KDM5D: variants seen among roughly 807,000 people sequenced by gnomAD.
The protein encoded by KDM5D is lysine-specific demethylase 5D.
A neutral mutation model predicts 31.9 loss-of-function variants in KDM5D; 25 were observed. That is an observed-to-expected ratio of 0.78 (90% confidence interval 0.57 to 1.09). The LOEUF is 1.09. KDM5D is among the 50% of genes least tolerant of loss of function. KDM5D has a pLI of 0.00. For synonymous variants in KDM5D, 146 were observed against 122.3 expected, an observed-to-expected ratio of 1.19 and a Z score of -1.28; for missense variants, 366 against 341.6, an observed-to-expected ratio of 1.07 and a Z score of -0.56.
At chrY:19,711,013 A>G in intron 18 of KDM5D, among the ~76,000 whole-genome samples, 1 of 33,618 alleles carries the variant, frequency 3.0e-5, no homozygotes, top group African/African-American at 1.2e-4. Context: ...AAGGAGGGCT[A>G]AGTGATGATA....
At position 19,732,115 on chromosome Y, in the gene KDM5D, C is replaced by T; in HGVS notation, c.1143G>A (p.Glu381=). 2.5e-6 allele frequency: 1 copy of T among 395,366 alleles called. No homozygotes were observed. The highest frequency in any genetic ancestry group is 5.9e-4 in the Middle Eastern group (1 of 1,700). Residue 381 remains glutamate (E), a synonymous_variant, in exon 10 of 27, where the codon GAG becomes GAA. Coordinates refer to ENST00000317961, the MANE Select transcript of KDM5D (RefSeq NM_004653.5). ...EAFGFEQATQ[E]YSLQSFGEMA... Reference sequence around the variant, plus strand: ...TTTCACCAAAACTCTGCAAACTGTACTCCTGGGTAGCCTGTTCAAATCCAA... The same window carrying T: ...TTTCACCAAAACTCTGCAAACTGTATTCCTGGGTAGCCTGTTCAAATCCAA...
At chrY:19,732,558 A>T (rs779640841) in intron 9 of KDM5D, 26 bp downstream of exon 9, 1 of 371,272 alleles carries the variant, frequency 2.7e-6, no homozygotes, top group Non-Finnish European at 3.7e-6. Context: ...ACCAAAAATA[A>T]AGCATCTGTG....
At chrY:19,736,356 G>A (rs2045510366) in intron 6 of KDM5D, among the ~76,000 whole-genome samples, 2 of 32,703 alleles carry the variant, frequency 6.1e-5, no homozygotes, top group South Asian at 6.7e-4. Flanking sequence ...TACATTTTCC[G>A]TTTATTTTAA....
Position 19,706,011 on chromosome Y carries a change from T to C in KDM5D, c.4604A>G (p.Asp1535Gly). The C allele has an allele frequency of 2.6e-6, 1 of 391,215 alleles. No individual in the cohort carries two copies. The highest frequency in any genetic ancestry group is 3.6e-6 in the Non-Finnish European group (1 of 276,945). The stretch of plus-strand genomic sequence containing the variant: ...GTGCCACTGTCACAACTGTTGCTCA[T>C]CAGAGTAGGAGAGTTGTAGCAAAGG... ...LMPLLQLSYS[D>G]EQQL Residue 1535 changes from aspartate (D) to glycine (G), a missense_variant, in exon 27 of 27, where the codon GAT (aspartate) becomes GGT (glycine). Physicochemically the swap from Asp to Gly is moderately conservative, Grantham distance 94 (BLOSUM62 -1). Coordinates refer to ENST00000317961, the MANE Select transcript of KDM5D (RefSeq NM_004653.5).
chrY:19,729,669 A>G lies in KDM5D; in HGVS notation c.1371+2103T>C. Among the ~76,000 whole-genome samples, 7 of 33,942 alleles carry G rather than the reference A, an allele frequency of 2.1e-4. No homozygotes were observed. In the East Asian group the frequency reaches 5.3e-3, roughly 26 times the overall value. 91.1% of individuals were successfully genotyped at this position (33,942 alleles called of 37,273 possible). On this transcript the variant is annotated intron_variant, in intron 11 of 26. Transcript: ENST00000317961. ...TGCATATACTCAAATATCTATACAC[A>G]TATATATGTATTAGTTAAGCATAAA...
At position 19,707,369 on chromosome Y, in the gene KDM5D, C is replaced by T; in HGVS notation, c.3777G>A (p.Leu1259=). Residue 1259 remains leucine (L), a synonymous_variant, in exon 24 of 27, where the codon CTG becomes CTA. Transcript: ENST00000317961. ...LVALQRLPVR[L]PEGEALQCLT... is the part of the protein sequence containing the mutation. ...GACACTGAAGGGCCTCACCCTCAGG[C>T]AGCCGCACGGGCAGCCTCTGCAGGG... 2.5e-6 allele frequency: 1 copy of T among 397,071 alleles called. No individual in the cohort carries two copies. Among genetic ancestry groups the T allele is most frequent in the Non-Finnish European group, 3.5e-6 (1 of 282,485 alleles).
Position 19,710,471 on chromosome Y carries a change from T to C in KDM5D, c.2488A>G (p.Met830Val). ...GTCAAGGTCAGCTGTGGAGTGTCCA[T>C]CCTATAGGAGCCAGAAGGAACACCT... ...LGLVSGQVARMDTPQLTLTEL... is the reference protein window; with the variant it reads ...LGLVSGQVARVDTPQLTLTEL... The change falls in exon 19 of 27, where the codon ATG becomes GTG. Residue 830 changes from methionine to valine, a missense_variant and splice_region_variant. Physicochemically the swap from Met to Val is conservative, Grantham distance 21 (BLOSUM62 1). Transcript: ENST00000317961. 2.8e-6 allele frequency: 1 copy of C among 362,985 alleles called. No individual in the cohort carries two copies. The highest frequency in any genetic ancestry group is 6.4e-5 in the African/African-American group (1 of 15,644). The allele number at this position is 362,985 out of a possible 400,897, so 90.5% of individuals were successfully genotyped here.
At position 19,744,708 on chromosome Y, in the gene KDM5D, G is replaced by C; in HGVS notation, c.-57C>G. On this transcript the variant is annotated 5_prime_UTR_variant, in exon 1 of 27. Coordinates refer to ENST00000317961, the MANE Select transcript of KDM5D (RefSeq NM_004653.5). ...ATCCTAGTTTTACAGCCACCATCTT[G>C]ACCTCCGGGCCCTGCAGTGTGGTAC... The C allele has an allele frequency of 2.9e-5, 4 of 137,875 alleles. No homozygotes were observed. The Admixed American group carries it at 5.6e-4, about 19-fold the overall frequency. The allele number at this position is 137,875 out of a possible 400,897, so 34.4% of individuals were successfully genotyped here. A position where few individuals can be genotyped will look rare whatever the true frequency, so the allele number is the denominator to read the frequency against.
At chrY:19,711,398 G>A (rs2045297680) in intron 18 of KDM5D, among the ~76,000 whole-genome samples, 1 of 33,151 alleles carries the variant, frequency 3.0e-5, no homozygotes. Flanking sequence ...CTGAAATAAT[G>A]GGCCAGGCAC....
chrY:19,732,730 T>A lies in KDM5D; in HGVS notation c.946A>T (p.Ile316Phe). Residue 316 changes from isoleucine (I) to phenylalanine (F), a missense_variant, in exon 9 of 27, where the codon ATT becomes TTT. Transcript: ENST00000317961. ...TCCCCACGGGAGCATACTTGGCAAA[T>A]ATATGAGTCAATCTACCAAAAAAAA... ...HSSAQFIDSY[I>F]CQVCSRGDED... 1.1e-5 allele frequency: 4 copies of A among 377,964 alleles called. No homozygotes were observed. The highest frequency in any genetic ancestry group is 1.5e-5 in the Non-Finnish European group (4 of 272,696). The allele number at this position is 377,964 out of a possible 400,897, so 94.3% of individuals were successfully genotyped here.
At chrY:19,727,373 C>T in intron 11 of KDM5D, among the ~76,000 whole-genome samples, 1 of 33,745 alleles carries the variant, frequency 3.0e-5, no homozygotes, top group Non-Finnish European at 7.4e-5. Context: ...CAGCCATCCA[C>T]ACAAGAATTC....
At chrY:19,715,207 T>C in intron 18 of KDM5D, 145 bp downstream of exon 18, 2 of 194,068 alleles carry the variant, frequency 1.0e-5, no homozygotes, top group Non-Finnish European at 1.8e-5. Flanking sequence ...AATGATGCCA[T>C]CTCGGCTCAC....
intron 11 of KDM5D, among the ~76,000 whole-genome samples, chrY:19,723,137 G>A: frequency 3.0e-5 from 1 of 33,425 alleles, no homozygotes; most frequent in African/African-American, 1.2e-4. Context: ...CAATGGAACA[G>A]AACAGAAAAC....
In KDM5D at chrY:19,744,709, A is replaced by C. The variant is rs2045586935; in HGVS notation, c.-58T>G. On this transcript the variant is annotated 5_prime_UTR_variant, in exon 1 of 27. Transcript: ENST00000317961. ...TCCTAGTTTTACAGCCACCATCTTGACCTCCGGGCCCTGCAGTGTGGTACG... is the reference window on the plus strand; with the variant it reads ...TCCTAGTTTTACAGCCACCATCTTGCCCTCCGGGCCCTGCAGTGTGGTACG... 1 of 130,767 alleles carries C rather than the reference A, an allele frequency of 7.6e-6. No homozygotes were observed. The highest frequency in any genetic ancestry group is 1.4e-5 in the Non-Finnish European group (1 of 71,798). 32.6% of individuals were successfully genotyped at this position (130,767 alleles called of 400,897 possible).
At chrY:19,724,225 G>A (rs2045413836) in intron 11 of KDM5D, among the ~76,000 whole-genome samples, 1 of 32,802 alleles carries the variant, frequency 3.0e-5, no homozygotes, top group Non-Finnish European at 7.5e-5. Context: ...GGAGAGACAC[G>A]ATCAGGAAAA....
intron 18 of KDM5D, among the ~76,000 whole-genome samples, chrY:19,712,625 G>A (rs2045306092): frequency 2.9e-5 from 1 of 34,512 alleles, no homozygotes; most frequent in Non-Finnish European, 7.3e-5. Flanking sequence ...TCCAGGAAGT[G>A]GCATGGTTAT....
rs1238692765 is a variant in KDM5D, at chrY:19,715,660, T to C, written c.2293A>G (p.Asn765Asp). The change falls in exon 17 of 27, where the codon AAC becomes GAC. Residue 765 changes from asparagine (N) to aspartate (D), a missense_variant. Asn to Asp is a conservative substitution (Grantham distance 23, BLOSUM62 1). Coordinates refer to ENST00000317961, the MANE Select transcript of KDM5D (RefSeq NM_004653.5). ...IRAESFDTWA[N>D]KVRVALEVED... The stretch of plus-strand genomic sequence containing the variant: ...ACCTCCAAGGCCACTCGCACTTTGT[T>C]GGCCCAGGTGTCAAAAGACTCAGCC... The C allele has an allele frequency of 5.0e-6, 2 of 398,879 alleles. No individual in the cohort carries two copies. The highest frequency in any genetic ancestry group is 5.9e-5 in the South Asian group (2 of 33,788).
intron 6 of KDM5D, among the ~76,000 whole-genome samples, chrY:19,738,884 C>G: frequency 2.9e-5 from 1 of 34,141 alleles, no homozygotes; most frequent in Non-Finnish European, 7.3e-5. Context: ...ACTTCTTATC[C>G]TGCTCTGTCT....
chrY:19,729,684 T>G, intron 11 of KDM5D, among the ~76,000 whole-genome samples: 1 of 33,962 alleles, frequency 2.9e-5, no homozygotes, highest in Non-Finnish European at 7.3e-5. Context: ...TATGTATTAG[T>G]TAAGCATAAA....
Sources: gnomAD v4.1 joint callset for allele counts (sites outside exome capture counted in the v4.1 genomes callset) on GRCh38, gnomAD v4.1.1 for gene constraint, MANE v1.5 for transcripts, NCBI Gene and HGNC (gene_info 2026-07-23, HGNC 2026-07-21) for gene names.